The following RMC1 variants were observed in gnomAD, a reference collection of about 807,000 sequenced individuals.
RMC1 encodes regulator of MON1-CCZ1, also known as regulator of MON1-CCZ1 complex.
RMC1 carries 44 observed loss-of-function variants against 95.5 expected under a neutral mutation model. The ratio of observed to expected loss-of-function variants is 0.46; its 90% CI spans 0.36 to 0.59. The LOEUF is 0.59. Among genes scored for constraint, RMC1 ranks in the 20% least tolerant of loss-of-function variants. The pLI, the probability that RMC1 is intolerant of heterozygous loss-of-function variation, is 0.00. For synonymous variants in RMC1, 320 were observed against 303.6 expected, an observed-to-expected ratio of 1.05 and a Z score of -0.56; for missense variants, 705 against 819.6, an observed-to-expected ratio of 0.86 and a Z score of 1.71.
At chr18:23,526,031 C>G (rs1159089531) in intron 12 of RMC1, among the ~76,000 whole-genome samples, 1 of 152,160 alleles carries the variant, frequency 6.6e-6, no homozygotes, top group East Asian at 1.9e-4. Flanking sequence ...TACAGCTGCT[C>G]TGTACCTGCC....
chr18:23,504,877 A>T (rs2057674321), intron 2 of RMC1, among the ~76,000 whole-genome samples: 1 of 152,324 alleles, frequency 6.6e-6, no homozygotes, highest in South Asian at 2.1e-4. Flanking sequence ...GCATAGTCCC[A>T]GTTCGCACTG....
chr18:23,514,172 A>C (rs1598861498), intron 5 of RMC1, among the ~76,000 whole-genome samples: 1 of 152,252 alleles, frequency 6.6e-6, no homozygotes, highest in Admixed American at 6.5e-5. Context: ...GAGAAAATAC[A>C]CCTGTGTGTT....
Position 23,530,245 on chromosome 18 carries a change from C to G in RMC1, c.1616C>G (p.Ser539Cys). The change falls in exon 18 of 20, where the codon TCC becomes TGC. Residue 539 changes from serine (S) to cysteine (C), a missense_variant. Coordinates refer to ENST00000269221, the MANE Select transcript of RMC1 (RefSeq NM_013326.5). ...DSKPLACLLL[S>C]LESFYPPAHQ... ...GTCTTTCAGGCTTGTCTGCTGTTAT[C>G]CCTAGAGAGTTTCTATCCTCCTGCT... is the stretch of plus-strand genomic sequence containing the variant. 1 of 1,614,210 alleles carries G rather than the reference C, an allele frequency of 6.2e-7. No homozygotes were observed. The highest frequency in any genetic ancestry group is 1.3e-5 in the African/African-American group (1 of 75,052).
At position 23,520,050 on chromosome 18, in the gene RMC1, G is replaced by C. The variant is rs73390291; in HGVS notation, c.850-152G>C. 4.6e-3 allele frequency: 2,823 copies of C among 609,460 alleles called. 57 individuals are homozygous for C. The African/African-American group carries it at 0.048, about 10-fold the overall frequency. 37.8% of individuals were successfully genotyped at this position (609,460 alleles called of 1,614,324 possible). On this transcript the variant is annotated intron_variant, in intron 9 of 19. Coordinates refer to ENST00000269221, the MANE Select transcript of RMC1 (RefSeq NM_013326.5). Reference sequence around the variant, plus strand: ...ATTAAAAGAGAGTTGTGATGTTAATGACAAATTCCTTCTCAAGTAAGAGCT... The same window carrying C: ...ATTAAAAGAGAGTTGTGATGTTAATCACAAATTCCTTCTCAAGTAAGAGCT...
rs1473955064 is a variant in RMC1, at chr18:23,531,590, ACATCTAACTGG to A, written c.1895-32_1895-22del. 4 of 1,603,520 alleles carry A rather than the reference ACATCTAACTGG, an allele frequency of 2.5e-6. No homozygotes were observed. The African/African-American group carries it at 5.4e-5, about 22-fold the overall frequency. ...CTTTCTTTGTCCCTCATTTCATGCC[ACATCTAACTGG>A]CAATTAAATCTCTTCCTTTCTAGGG... On this transcript the variant is annotated intron_variant, in intron 19 of 19. Transcript: ENST00000269221.
chr18:23,507,129 C>A, intron 3 of RMC1, 75 bp downstream of exon 3: 1 of 1,061,366 alleles, frequency 9.4e-7, no homozygotes, highest in Non-Finnish European at 1.4e-6. Context: ...CGCAAATTTT[C>A]AGTGTTAAAG....
chr18:23,514,585 A>G (rs1361572581), intron 5 of RMC1, among the ~76,000 whole-genome samples: 3 of 151,486 alleles, frequency 2.0e-5, no homozygotes, highest in Admixed American at 1.3e-4. Flanking sequence ...GTAATGACCA[A>G]TAGGAGAACT....
At chr18:23,516,124 A>G in intron 6 of RMC1, 128 bp downstream of exon 6, 2 of 1,437,482 alleles carry the variant, frequency 1.4e-6, no homozygotes, top group Non-Finnish European at 1.9e-6. Flanking sequence ...TGACCACTAG[A>G]GGGCACTCTG....
intron 13 of RMC1, among the ~76,000 whole-genome samples, chr18:23,527,038 C>G (rs1340244418): frequency 1.3e-5 from 2 of 152,056 alleles, no homozygotes; most frequent in Non-Finnish European, 2.9e-5. Flanking sequence ...GGCCTTCACA[C>G]ACACCTCTTT....
chr18:23,512,713 A>G (rs2057895096), intron 5 of RMC1, among the ~76,000 whole-genome samples: 3 of 151,724 alleles, frequency 2.0e-5, no homozygotes, highest in South Asian at 4.2e-4. Flanking sequence ...ATTTATGGGC[A>G]TGAGCCACTG....
chr18:23,511,653 C>CTT, intron 5 of RMC1, among the ~76,000 whole-genome samples: 1 of 141,142 alleles, frequency 7.1e-6, no homozygotes, highest in Non-Finnish European at 1.6e-5. Flanking sequence ...TTGCAGCTAG[C>CTT]TTTTTTTTTT....
chr18:23,527,196 C>T (rs1438753520), intron 13 of RMC1, among the ~76,000 whole-genome samples: 2 of 121,764 alleles, frequency 1.6e-5, no homozygotes, highest in Non-Finnish European at 3.2e-5. Flanking sequence ...CCAGCCTGGA[C>T]GACAACATGG....
At chr18:23,530,670 A>G (rs1567937933) in intron 19 of RMC1, 58 bp downstream of exon 19, 1 of 1,530,538 alleles carries the variant, frequency 6.5e-7, no homozygotes, top group Non-Finnish European at 8.9e-7. Context: ...AGCAGAGGGC[A>G]CTGGCAGCTG....
At chr18:23,531,332 C>A in intron 19 of RMC1, 1 of 341,386 alleles carries the variant, frequency 2.9e-6, no homozygotes, top group East Asian at 6.3e-5. Context: ...CAACCTAAGA[C>A]ATCATCTTTA....
In RMC1 at chr18:23,531,752, T is replaced by C. The variant is rs770456820; in HGVS notation, c.*48T>C. Reference sequence around the variant, plus strand: ...TAAAAATGTGTACAAAGTTAATTTATTGCATTAATAAAGCTCTTTAAACTA... The same window carrying C: ...TAAAAATGTGTACAAAGTTAATTTACTGCATTAATAAAGCTCTTTAAACTA... On this transcript the variant is annotated 3_prime_UTR_variant, in exon 20 of 20. Transcript: ENST00000269221. 1.4e-5 allele frequency: 23 copies of C among 1,587,784 alleles called. No homozygotes were observed. In the Middle Eastern group the frequency reaches 1.2e-3, roughly 81 times the overall value.
intron 19 of RMC1, 131 bp downstream of exon 19, chr18:23,530,743 C>A: frequency 1.3e-6 from 1 of 772,926 alleles, no homozygotes; most frequent in South Asian, 1.9e-5. Context: ...GCCCACCTAG[C>A]CCTTGGCCCA....
intron 3 of RMC1, among the ~76,000 whole-genome samples, chr18:23,507,380 C>T (rs549135197): frequency 9.1e-4 from 138 of 152,270 alleles, no homozygotes; most frequent in Non-Finnish European, 1.5e-3. Context: ...TCGCCTCAGT[C>T]TCCCTTAAAA....
At chr18:23,514,375 C>T (rs927773471) in intron 5 of RMC1, among the ~76,000 whole-genome samples, 6 of 152,034 alleles carry the variant, frequency 3.9e-5, no homozygotes, top group South Asian at 2.1e-4. Context: ...TACTAAGTGC[C>T]GTCTCTACTG....
At chr18:23,517,297 G>A (rs1249960433) in intron 7 of RMC1, among the ~76,000 whole-genome samples, 1 of 151,302 alleles carries the variant, frequency 6.6e-6, no homozygotes, top group Non-Finnish European at 1.5e-5. Context: ...CTACAGGTGC[G>A]TGCCACCATG....
Sources: allele counts gnomAD v4.1 joint callset (sites outside exome capture counted in the v4.1 genomes callset), GRCh38; gene constraint gnomAD v4.1.1; transcripts MANE v1.5; gene names NCBI Gene and HGNC (gene_info 2026-07-23, HGNC 2026-07-21).